Variants in UGDH observed in about 807,000 individuals in gnomAD.
UGDH encodes the protein UDP-glucose 6-dehydrogenase, also known as UDP-Glc dehydrogenase.
Under a neutral mutation model 50.6 loss-of-function variants are expected in UGDH, and 38 were observed. That is an observed-to-expected ratio of 0.75 (90% confidence interval 0.58 to 0.98). The LOEUF (loss-of-function observed/expected upper bound fraction) is 0.98. Among genes scored for constraint, UGDH ranks in the 50% least tolerant of loss-of-function variants. The pLI is 0.00. For missense variants in UGDH, 465 were observed against 606.2 expected (o/e 0.77, Z 2.45); for synonymous variants, 168 against 199.9 (o/e 0.84, Z 1.35).
intron 8 of UGDH, 72 bp downstream of exon 8, chr4:39,505,546 C>A: frequency 6.4e-6 from 9 of 1,407,840 alleles, no homozygotes; most frequent in Non-Finnish European, 8.4e-6. Context: ...TGTACACCTA[C>A]CCCAATCAAA....
intron 7 of UGDH, among the ~76,000 whole-genome samples, chr4:39,506,762 A>G (rs1746045154): frequency 6.6e-6 from 1 of 152,256 alleles, no homozygotes. Context: ...AAAGTGTTGG[A>G]AAATCAAGAG....
Position 39,510,366 on chromosome 4 carries a change from T to A in UGDH, c.650A>T (p.Glu217Val). 6.2e-7 allele frequency: 1 copy of A among 1,614,226 alleles called. No homozygotes were observed. The highest frequency in any genetic ancestry group is 2.2e-5 in the East Asian group (1 of 44,892). The part of the protein sequence containing the change: ...KILTTNTWSS[E>V]LSKLAANAFL... ...CTATATACTAACCAGTTTGGAAAGC[T>A]CTGAAGACCAAGTATTAGTGGTGAG... Residue 217 changes from glutamate (E) to valine (V), a missense_variant, in exon 5 of 12, where the codon GAG becomes GTG. Coordinates refer to ENST00000316423, the MANE Select transcript of UGDH (RefSeq NM_003359.4).
chr4:39,525,496 A>ATTT (rs1746840476), intron 1 of UGDH, among the ~76,000 whole-genome samples: 1 of 58,304 alleles, frequency 1.7e-5, no homozygotes, highest in South Asian at 6.2e-4. Flanking sequence ...GCCCAGCCCC[A>ATTT]TTTTCTTTTC....
intron 1 of UGDH, chr4:39,527,024 G>A (rs1294775877): frequency 7.8e-7 from 1 of 1,289,362 alleles, no homozygotes; most frequent in Admixed American, 2.3e-5. Flanking sequence ...GTGGGTAAAG[G>A]CAGAAAGAGA....
At chr4:39,510,000 TGAGG>T in intron 5 of UGDH, 93 bp from the exon 6 acceptor site, 2 of 1,384,588 alleles carry the variant, frequency 1.4e-6, no homozygotes, top group Non-Finnish European at 1.9e-6. Flanking sequence ...CGCAAATTAC[TGAGG>T]GAGATATATA....
chr4:39,502,973 G>C (rs902090823), intron 11 of UGDH, among the ~76,000 whole-genome samples: 1 of 152,138 alleles, frequency 6.6e-6, no homozygotes, highest in Non-Finnish European at 1.5e-5. Context: ...CTGGAGTGCA[G>C]TGGTGTGATC....
At chr4:39,500,542 G>C (rs1302600911) in intron 11 of UGDH, among the ~76,000 whole-genome samples, 5 of 151,812 alleles carry the variant, frequency 3.3e-5, no homozygotes, top group Non-Finnish European at 2.9e-5. Context: ...TTAGAAACAT[G>C]TATGAAATTA....
In UGDH at chr4:39,505,257, C is replaced by A. The variant is rs750465337; in HGVS notation, c.1151G>T (p.Gly384Val). ...EQIVVDLSHP[G>V]VSEDDQVSRL... ...CTTACCTTGGTCATCCTCTGAAACACCTGGATGAGAAAGATCCACAACTAT... is the reference window on the plus strand; with the variant it reads ...CTTACCTTGGTCATCCTCTGAAACAACTGGATGAGAAAGATCCACAACTAT... Residue 384 changes from glycine (G) to valine (V), a missense_variant, in exon 9 of 12, where the codon GGT (glycine) becomes GTT (valine). Coordinates refer to ENST00000316423, the MANE Select transcript of UGDH (RefSeq NM_003359.4). The A allele has an allele frequency of 6.3e-7, 1 of 1,595,740 alleles. No individual in the cohort carries two copies. The highest frequency in any genetic ancestry group is 8.5e-7 in the Non-Finnish European group (1 of 1,174,228).
intron 2 of UGDH, among the ~76,000 whole-genome samples, chr4:39,517,064 T>C (rs1746463713): frequency 6.6e-6 from 1 of 152,150 alleles, no homozygotes; most frequent in Non-Finnish European, 1.5e-5. Context: ...TCATAATTGG[T>C]ATTTAGAATT....
At chr4:39,516,276 C>T (rs1746440437) in intron 2 of UGDH, among the ~76,000 whole-genome samples, 2 of 151,962 alleles carry the variant, frequency 1.3e-5, no homozygotes, top group Admixed American at 6.6e-5. Context: ...AGAGCAAGGC[C>T]CTGTCTCAAA....
At chr4:39,507,414 C>A (rs910876107) in intron 7 of UGDH, among the ~76,000 whole-genome samples, 2 of 152,206 alleles carry the variant, frequency 1.3e-5, no homozygotes, top group African/African-American at 4.8e-5. Flanking sequence ...GAGACGAAGT[C>A]TCGCTCTGTC....
chr4:39,525,505 T>TTTC (rs1400083585), intron 1 of UGDH, among the ~76,000 whole-genome samples: 2 of 88,420 alleles, frequency 2.3e-5, no homozygotes, highest in African/African-American at 8.7e-5. Flanking sequence ...CATTTTCTTT[T>TTTC]CTTTTTCTTT....
rs761834857 is a variant in UGDH at position 39,503,982 on chromosome 4, A to G, written c.1267T>C (p.Leu423=). The G allele has an allele frequency of 1.1e-5, 17 of 1,613,766 alleles. No homozygotes were observed. In the Middle Eastern group the frequency reaches 9.9e-4, roughly 94 times the overall value. Residue 423 remains leucine (L), a synonymous_variant, in exon 11 of 12, where the codon TTG becomes CTG. Transcript: ENST00000316423. ...TTTTTATGAATGCGTTCATAATCCAATTCCTGTAAAGACAAACCACAGGAA... is the reference window on the plus strand; with the variant it reads ...TTTTTATGAATGCGTTCATAATCCAGTTCCTGTAAAGACAAACCACAGGAA... ...ICTEWDMFKE[L]DYERIHKKML...
intron 6 of UGDH, among the ~76,000 whole-genome samples, 183 bp downstream of exon 6, chr4:39,509,577 A>G (rs1746152837): frequency 6.6e-6 from 1 of 152,256 alleles, no homozygotes; most frequent in African/African-American, 2.4e-5. Flanking sequence ...ACTCAGCTGC[A>G]TGACTTTGAG....
At chr4:39,514,521 G>A (rs1222148545) in intron 2 of UGDH, among the ~76,000 whole-genome samples, 1 of 151,452 alleles carries the variant, frequency 6.6e-6, no homozygotes, top group Non-Finnish European at 1.5e-5. Flanking sequence ...ATGAGGCCTG[G>A]CTAATTTTTG....
chr4:39,507,383 C>T (rs1746068469), intron 7 of UGDH, among the ~76,000 whole-genome samples: 1 of 152,176 alleles, frequency 6.6e-6, no homozygotes, highest in Non-Finnish European at 1.5e-5. Flanking sequence ...GAAAGCATGA[C>T]AATATAGGTT....
chr4:39,498,833 C>T lies in UGDH; in HGVS notation c.*1310G>A, dbSNP rs1311498747. The T allele has an allele frequency of 6.6e-6, 1 of 152,128 alleles. No individual in the cohort carries two copies. Among genetic ancestry groups the T allele is most frequent in the Non-Finnish European group, 1.5e-5 (1 of 68,034 alleles). The allele number at this position is 152,128 out of a possible 1,614,324, so 9.4% of individuals were successfully genotyped here. On this transcript the variant is annotated 3_prime_UTR_variant, in exon 12 of 12. Transcript: ENST00000316423. Reference sequence around the variant, plus strand: ...TCTGTCCTCATCTTTATATTTGTCTCCCTCTTCTCATTGAACTGCAAAATT... The same window carrying T: ...TCTGTCCTCATCTTTATATTTGTCTTCCTCTTCTCATTGAACTGCAAAATT...
At chr4:39,512,777 A>G (rs554719550) in intron 3 of UGDH, among the ~76,000 whole-genome samples, 19 of 151,268 alleles carry the variant, frequency 1.3e-4, no homozygotes, top group African/African-American at 3.9e-4. Flanking sequence ...AGCTGCATCA[A>G]TTTCTCTGAA....
At chr4:39,501,115 G>A (rs993374268) in intron 11 of UGDH, among the ~76,000 whole-genome samples, 3 of 150,816 alleles carry the variant, frequency 2.0e-5, no homozygotes, top group Non-Finnish European at 3.0e-5. Flanking sequence ...ACAAGCGCCC[G>A]CCACCACACC....
Sources: allele counts gnomAD v4.1 joint callset (sites outside exome capture counted in the v4.1 genomes callset), GRCh38; gene constraint gnomAD v4.1.1; transcripts MANE v1.5; gene names NCBI Gene and HGNC (gene_info 2026-07-23, HGNC 2026-07-21).